The following IFT43 variants were observed in gnomAD, a reference collection of about 807,000 sequenced individuals.
IFT43 encodes the protein intraflagellar transport protein 43 homolog.
A neutral mutation model predicts 32.3 loss-of-function variants in IFT43; 33 were observed. The observed-to-expected ratio is 1.02, with a 90% CI of 0.77 to 1.37. The LOEUF (loss-of-function observed/expected upper bound fraction) is 1.37, where lower values mean the gene tolerates loss of function less well. IFT43 is among the 40% of genes most tolerant of loss of function. The probability of loss-of-function intolerance (pLI) is 0.00; values close to 1 mark genes in which losing one functional copy is unlikely to be tolerated. For synonymous variants in IFT43, 93 were observed against 98.2 expected (o/e 0.95, Z 0.31); for missense variants, 274 against 265.9 (o/e 1.03, Z -0.21).
intron 3 of IFT43, among the ~76,000 whole-genome samples, chr14:76,042,388 T>G (rs1278597438): frequency 6.6e-6 from 1 of 152,166 alleles, no homozygotes; most frequent in Non-Finnish European, 1.5e-5. Context: ...CTGCCTTCTG[T>G]TTTTATGCCC....
chr14:76,048,044 G>A (rs1042220449), intron 3 of IFT43, among the ~76,000 whole-genome samples: 3 of 152,084 alleles, frequency 2.0e-5, no homozygotes, highest in Non-Finnish European at 4.4e-5. Context: ...AGTTAGAAAG[G>A]CCCTTAAATG....
chr14:76,059,659 T>G, intron 5 of IFT43: 1 of 457,542 alleles, frequency 2.2e-6, no homozygotes, highest in South Asian at 2.1e-5. Context: ...TCTCACTGGA[T>G]GTTCTTTCTC....
At chr14:76,025,122 G>A (rs958152147) in intron 3 of IFT43, among the ~76,000 whole-genome samples, 6 of 152,138 alleles carry the variant, frequency 3.9e-5, no homozygotes, top group South Asian at 2.1e-4. Context: ...GCCAGTGATC[G>A]AATTTAACTA....
intron 3 of IFT43, among the ~76,000 whole-genome samples, chr14:76,030,804 T>G (rs2036496416): frequency 4.6e-5 from 7 of 151,920 alleles, no homozygotes; most frequent in Admixed American, 4.6e-4. Context: ...AATTTTAAGG[T>G]TTTTAAAAAT....
At chr14:76,049,734 A>G (rs1291837672) in intron 3 of IFT43, among the ~76,000 whole-genome samples, 1 of 119,170 alleles carries the variant, frequency 8.4e-6, no homozygotes, top group Non-Finnish European at 1.8e-5. Context: ...AAGAACTTCC[A>G]TTTAACTGCT....
chr14:76,038,661 A>G (rs1483188289), intron 3 of IFT43, among the ~76,000 whole-genome samples: 2 of 152,232 alleles, frequency 1.3e-5, no homozygotes, highest in Non-Finnish European at 2.9e-5. Context: ...GTTCAGCAAG[A>G]TTTGAAGATG....
rs573025220 is a variant in IFT43, at chr14:76,017,836, A to G, written c.148-4491A>G. On this transcript the variant is annotated intron_variant, in intron 2 of 8. Transcript: ENST00000314067. ...CCTCTAGGATTTCCAATTTATTAGT[A>G]TATACTTGTTCATAATAGTCTCTTA... Among the ~76,000 whole-genome samples the G allele has an allele frequency of 8.5e-4, 129 of 151,992 alleles. 1 individual carries two copies. The highest frequency in any genetic ancestry group is 1.3e-3 in the Non-Finnish European group (91 of 67,916).
At chr14:76,006,232 TA>T (rs1225525613) in intron 2 of IFT43, among the ~76,000 whole-genome samples, 1 of 152,186 alleles carries the variant, frequency 6.6e-6, no homozygotes, top group Non-Finnish European at 1.5e-5. Flanking sequence ...AAGGTTAATC[TA>T]AAAAGGCCTC....
chr14:76,082,588 T>C (rs777594606), intron 6 of IFT43, 29 bp from the exon 7 acceptor site: 2 of 1,614,110 alleles, frequency 1.2e-6, no homozygotes, highest in Admixed American at 1.7e-5. Flanking sequence ...TGCCTGGGGT[T>C]CCCGCCTCTC....
chr14:76,073,433 C>A (rs1167444812), intron 5 of IFT43, among the ~76,000 whole-genome samples: 2 of 152,168 alleles, frequency 1.3e-5, no homozygotes, highest in African/African-American at 4.8e-5. Flanking sequence ...CTTGAGGCAG[C>A]AAAACCTACA....
intron 5 of IFT43, among the ~76,000 whole-genome samples, chr14:76,064,805 C>T (rs926078417): frequency 6.6e-6 from 1 of 152,134 alleles, no homozygotes; most frequent in Non-Finnish European, 1.5e-5. Context: ...CACGAGAAAA[C>T]AAATTGATAA....
Position 76,022,207 on chromosome 14 carries a change from C to T in IFT43, c.148-120C>T, listed in dbSNP as rs150361451. ...CGGAGGTTCCAGTGAGCTGAGGTCG[C>T]ACCACTGCACTCCAGCCTGGGTGAC... On this transcript the variant is annotated intron_variant, in intron 2 of 8. Transcript: ENST00000314067. The T allele has an allele frequency of 2.6e-3, 2,100 of 822,974 alleles. 24 individuals carry two copies. The African/African-American group carries it at 0.03, about 12-fold the overall frequency. The allele number at this position is 822,974 out of a possible 1,614,324, so 51.0% of individuals were successfully genotyped here. A position where few individuals can be genotyped will look rare whatever the true frequency, so the allele number is the denominator to read the frequency against.
chr14:76,002,296 C>G (rs1330056356), intron 2 of IFT43, among the ~76,000 whole-genome samples: 1 of 151,586 alleles, frequency 6.6e-6, no homozygotes. Context: ...GTTACAATGG[C>G]AATTAAATTT....
intron 1 of IFT43, among the ~76,000 whole-genome samples, chr14:75,988,460 C>A (rs774526721): frequency 1.3e-5 from 2 of 152,174 alleles, no homozygotes; most frequent in African/African-American, 4.8e-5. Context: ...ACTCAAATCC[C>A]GTTCTCCACC....
At chr14:76,022,544 A>G in intron 3 of IFT43, 150 bp downstream of exon 3, 2 of 579,920 alleles carry the variant, frequency 3.4e-6, no homozygotes, top group Non-Finnish European at 6.3e-6. Context: ...CAATTTAATC[A>G]TTCTTAATAT....
intron 2 of IFT43, among the ~76,000 whole-genome samples, chr14:76,010,302 C>T (rs1014463713): frequency 1.3e-5 from 2 of 152,170 alleles, no homozygotes; most frequent in African/African-American, 2.4e-5. Context: ...AATTACCAAC[C>T]ATTAGGTGGA....
chr14:76,007,298 C>G (rs1438947030), intron 2 of IFT43, among the ~76,000 whole-genome samples: 2 of 152,182 alleles, frequency 1.3e-5, no homozygotes, highest in Non-Finnish European at 2.9e-5. Context: ...CAGTGTGAAA[C>G]CTGCAGTGTC....
chr14:76,035,684 T>C (rs1465739394), intron 3 of IFT43, among the ~76,000 whole-genome samples: 1 of 152,204 alleles, frequency 6.6e-6, no homozygotes, highest in Non-Finnish European at 1.5e-5. Flanking sequence ...ACCGGCTCTG[T>C]TATAGGCTGT....
intron 2 of IFT43, among the ~76,000 whole-genome samples, chr14:76,021,204 G>A (rs1427445650): frequency 6.6e-6 from 1 of 152,148 alleles, no homozygotes; most frequent in South Asian, 2.1e-4. Context: ...TGGTGGTGGG[G>A]GTTGGAGGCA....
Sources: allele counts gnomAD v4.1 joint callset (sites outside exome capture counted in the v4.1 genomes callset), GRCh38; gene constraint gnomAD v4.1.1; transcripts MANE v1.5; gene names NCBI Gene and HGNC (gene_info 2026-07-23, HGNC 2026-07-21).